The following PPP1R9A variants were observed in gnomAD, a reference collection of about 807,000 sequenced individuals.
PPP1R9A encodes the protein neurabin-1.
Under a neutral mutation model 141.9 loss-of-function variants are expected in PPP1R9A, and 59 were observed. The ratio of observed to expected loss-of-function variants is 0.42; its 90% confidence interval spans 0.34 to 0.52. The LOEUF (loss-of-function observed/expected upper bound fraction) is 0.52. PPP1R9A is among the 20% of genes least tolerant of loss of function. The pLI is 0.10. For synonymous variants in PPP1R9A, 500 were observed against 569.7 expected, an observed-to-expected ratio of 0.88 and a Z score of 1.74; for missense variants, 1,444 against 1,611.9, an observed-to-expected ratio of 0.90 and a Z score of 1.78.
intron 2 of PPP1R9A, among the ~76,000 whole-genome samples, chr7:95,011,562 G>A (rs1197365145): frequency 6.6e-6 from 1 of 151,848 alleles, no homozygotes; most frequent in Non-Finnish European, 1.5e-5. Context: ...ACTTTCTTCA[G>A]TTAAAATTTA....
At chr7:94,915,476 G>T (rs1258376535) in intron 2 of PPP1R9A, among the ~76,000 whole-genome samples, 1 of 152,124 alleles carries the variant, frequency 6.6e-6, no homozygotes, top group Non-Finnish European at 1.5e-5. Context: ...GGTATTCTAT[G>T]GGAAATTACC....
chr7:95,287,047 A>G (rs945077856), intron 18 of PPP1R9A: 72 of 1,507,462 alleles, frequency 4.8e-5, no homozygotes, highest in Non-Finnish European at 1.3e-5. Context: ...TGTACTATAT[A>G]TGTTGTGTCT....
chr7:95,272,433 C>T (rs79259470), intron 14 of PPP1R9A, among the ~76,000 whole-genome samples: 1,636 of 152,294 alleles, frequency 0.011, 40 homozygotes, highest in African/African-American at 0.036. Context: ...TGTGTCACAT[C>T]TGTGACAATT....
intron 5 of PPP1R9A, among the ~76,000 whole-genome samples, chr7:95,192,631 T>A (rs181853130): frequency 8.3e-4 from 126 of 152,198 alleles, no homozygotes; most frequent in Non-Finnish European, 1.4e-3. Context: ...TATACTCATT[T>A]TACAACTGTG....
chr7:95,180,513 G>A (rs1833581196), intron 5 of PPP1R9A, among the ~76,000 whole-genome samples: 1 of 152,012 alleles, frequency 6.6e-6, no homozygotes. Context: ...CAATAAAAAC[G>A]AAGATAAATA....
At chr7:94,978,873 T>C (rs1390672440) in intron 2 of PPP1R9A, among the ~76,000 whole-genome samples, 4 of 152,206 alleles carry the variant, frequency 2.6e-5, no homozygotes, top group African/African-American at 9.6e-5. Flanking sequence ...CTCAGCTCAC[T>C]ACAACCTTCG....
rs965059326 is a variant in PPP1R9A, at chr7:95,291,280, A to C, written c.*977A>C. 1 of 152,202 alleles carries C rather than the reference A, an allele frequency of 6.6e-6. No homozygotes were observed. Among genetic ancestry groups the C allele is most frequent in the African/African-American group, 2.4e-5 (1 of 41,454 alleles). The allele number at this position is 152,202 out of a possible 1,614,324, so 9.4% of individuals were successfully genotyped here. The stretch of plus-strand genomic sequence containing the variant: ...TCTTCAGCCTGCCTATGTCACAATC[A>C]GGAACTCATCACATATTTTCTACTC... On this transcript the variant is annotated 3_prime_UTR_variant, in exon 20 of 20. Coordinates refer to ENST00000433360, the MANE Select transcript of PPP1R9A (RefSeq NM_001166160.2).
At chr7:95,081,819 C>G (rs746004049) in intron 2 of PPP1R9A, among the ~76,000 whole-genome samples, 1 of 152,128 alleles carries the variant, frequency 6.6e-6, no homozygotes, top group Non-Finnish European at 1.5e-5. Context: ...GGAAAATGAC[C>G]ATAAGCTCTG....
At chr7:95,032,873 C>T (rs1807879004) in intron 2 of PPP1R9A, among the ~76,000 whole-genome samples, 1 of 152,098 alleles carries the variant, frequency 6.6e-6, no homozygotes, top group East Asian at 1.9e-4. Flanking sequence ...TTGTCTTCAC[C>T]TCAGAAGTCT....
At chr7:95,227,086 G>A (rs1795239919) in intron 8 of PPP1R9A, among the ~76,000 whole-genome samples, 1 of 152,156 alleles carries the variant, frequency 6.6e-6, no homozygotes. Context: ...GCAGAAAGTG[G>A]CTGAGTGGGA....
chr7:95,249,727 T>G (rs952701535), intron 9 of PPP1R9A, among the ~76,000 whole-genome samples: 1 of 152,154 alleles, frequency 6.6e-6, no homozygotes, highest in African/African-American at 2.4e-5. Context: ...CTCTGAAACA[T>G]CTTTTACTGC....
rs1791703155 is a variant in PPP1R9A, at chr7:94,913,521, C to T, written c.1395+2013C>T. Among the ~76,000 whole-genome samples the T allele has an allele frequency of 2.6e-5, 4 of 152,108 alleles. 1 individual carries two copies. The South Asian group carries it at 8.3e-4, about 32-fold the overall frequency. ...AGATAATGTATTGCATTTGATTGGGCAGTTAACAGGACTTCTTGGAGTGGA... is the reference window on the plus strand; with the variant it reads ...AGATAATGTATTGCATTTGATTGGGTAGTTAACAGGACTTCTTGGAGTGGA... On this transcript the variant is annotated intron_variant, in intron 2 of 19. Transcript: ENST00000433360.
chr7:95,006,212 A>ATTTATTTT, intron 2 of PPP1R9A, among the ~76,000 whole-genome samples: 1 of 150,886 alleles, frequency 6.6e-6, no homozygotes, highest in Middle Eastern at 3.4e-3. Flanking sequence ...TTATTTATTT[A>ATTTATTTT]TTTATTTATT....
At chr7:95,222,846 T>G (rs768599505) in intron 7 of PPP1R9A, among the ~76,000 whole-genome samples, 2 of 152,030 alleles carry the variant, frequency 1.3e-5, no homozygotes, top group Non-Finnish European at 2.9e-5. Flanking sequence ...GCTGACACAT[T>G]CCATGTTACT....
intron 2 of PPP1R9A, among the ~76,000 whole-genome samples, chr7:95,103,205 A>G (rs1357513221): frequency 1.1e-5 from 1 of 89,088 alleles, no homozygotes; most frequent in African/African-American, 4.6e-5. Context: ...CAATTTTAAT[A>G]TAAATATATA....
chr7:95,230,908 A>T (rs1795829351), intron 8 of PPP1R9A, among the ~76,000 whole-genome samples: 1 of 152,192 alleles, frequency 6.6e-6, no homozygotes, highest in Non-Finnish European at 1.5e-5. Context: ...CTCACATGTC[A>T]ATACTAACAT....
chr7:95,278,741 A>G (rs1296811201), intron 16 of PPP1R9A, among the ~76,000 whole-genome samples: 1 of 152,216 alleles, frequency 6.6e-6, no homozygotes, highest in African/African-American at 2.4e-5. Flanking sequence ...TTAAAATACA[A>G]CATCTTCAAT....
At chr7:95,085,657 C>T (rs983896353) in intron 2 of PPP1R9A, among the ~76,000 whole-genome samples, 2 of 151,774 alleles carry the variant, frequency 1.3e-5, no homozygotes, top group African/African-American at 4.9e-5. Context: ...TCAAGTGATC[C>T]ACCTGCCTTG....
At chr7:95,068,382 A>G (rs915145900) in intron 2 of PPP1R9A, among the ~76,000 whole-genome samples, 1 of 138,620 alleles carries the variant, frequency 7.2e-6, no homozygotes, top group African/African-American at 2.6e-5. Flanking sequence ...AGGCAGGAGA[A>G]TTGCTTGAAC....
Sources: gnomAD v4.1 joint callset for allele counts (sites outside exome capture counted in the v4.1 genomes callset) on GRCh38, gnomAD v4.1.1 for gene constraint, MANE v1.5 for transcripts, NCBI Gene and HGNC (gene_info 2026-07-23, HGNC 2026-07-21) for gene names.